The following CCDC63 variants were observed in gnomAD, a reference collection of about 807,000 sequenced individuals.
CCDC63 encodes coiled-coil domain-containing protein 63.
A neutral mutation model predicts 63.6 loss-of-function variants in CCDC63; 54 were observed. The ratio of observed to expected loss-of-function variants is 0.85; its 90% CI spans 0.68 to 1.07. CCDC63 has a LOEUF of 1.07. Among genes scored for constraint, CCDC63 ranks in the 50% least tolerant of loss-of-function variants. The probability of loss-of-function intolerance (pLI) is 0.00; values close to 1 mark genes in which losing one functional copy is unlikely to be tolerated. For synonymous variants in CCDC63, 253 were observed against 266.1 expected, an observed-to-expected ratio of 0.95 and a Z score of 0.48; for missense variants, 637 against 689.6, an observed-to-expected ratio of 0.92 and a Z score of 0.86.
At chr12:110,849,652 C>T (rs1389849945) in intron 1 of CCDC63, among the ~76,000 whole-genome samples, 1 of 152,006 alleles carries the variant, frequency 6.6e-6, no homozygotes, top group Non-Finnish European at 1.5e-5. Flanking sequence ...GTGCCCACCA[C>T]CATGCCCAGC....
chr12:110,890,276 C>G (rs945994049), intron 8 of CCDC63, among the ~76,000 whole-genome samples: 3 of 151,278 alleles, frequency 2.0e-5, no homozygotes, highest in African/African-American at 7.3e-5. Flanking sequence ...TGCACTCCAT[C>G]TGGGCAAGAG....
chr12:110,884,150 A>G lies in CCDC63; in HGVS notation c.974A>G (p.Asp325Gly), dbSNP rs1566131974. The part of the protein sequence containing the change: ...ESGNLNQLIE[D>G]FLAKEEKNFA... ...GGGAACCTAAACCAGCTCATTGAAGATTTTCTGGCCAAGGAGGAGAAGAAT... is the reference window on the plus strand; with the variant it reads ...GGGAACCTAAACCAGCTCATTGAAGGTTTTCTGGCCAAGGAGGAGAAGAAT... The change falls in exon 8 of 12, where the codon GAT (aspartate) becomes GGT (glycine). Residue 325 changes from aspartate (D) to glycine (G), a missense_variant. Asp to Gly is a moderately conservative substitution (Grantham distance 94). Coordinates refer to ENST00000308208, the MANE Select transcript of CCDC63 (RefSeq NM_152591.3). The G allele has an allele frequency of 6.2e-7, 1 of 1,614,058 alleles. No homozygotes were observed.
chr12:110,899,199 G>A, intron 10 of CCDC63, 74 bp downstream of exon 10: 1 of 1,363,986 alleles, frequency 7.3e-7, no homozygotes, highest in Non-Finnish European at 1.0e-6. Context: ...ATAAGGCCTT[G>A]CTCTTATGGA....
intron 3 of CCDC63, among the ~76,000 whole-genome samples, chr12:110,854,279 A>G (rs1231596756): frequency 1.4e-4 from 14 of 102,332 alleles, no homozygotes; most frequent in African/African-American, 5.0e-4. Flanking sequence ...TTTGGAGTGT[A>G]TCATTTCTTT....
intron 5 of CCDC63, among the ~76,000 whole-genome samples, chr12:110,876,585 T>C (rs1198223200): frequency 6.6e-6 from 1 of 152,176 alleles, no homozygotes. Context: ...GTGTTGGCCC[T>C]GCAGAAACCG....
intron 4 of CCDC63, among the ~76,000 whole-genome samples, chr12:110,864,360 G>A (rs1307608186): frequency 6.6e-6 from 1 of 151,596 alleles, no homozygotes; most frequent in Non-Finnish European, 1.5e-5. Context: ...GGAGGCTGAA[G>A]CAGGAAGATC....
upstream of CCDC63, among the ~76,000 whole-genome samples, chr12:110,846,142 AG>A (rs1325283661): frequency 6.6e-6 from 1 of 152,150 alleles, no homozygotes; most frequent in Non-Finnish European, 1.5e-5. Flanking sequence ...TCCTGTCCCA[AG>A]AATTTACGGA....
At chr12:110,883,609 TTTGTTTGTTTGTTTGTTTTTTGTTTGC>T (rs1460566189) in intron 7 of CCDC63, among the ~76,000 whole-genome samples, 11 of 75,748 alleles carry the variant, frequency 1.5e-4, no homozygotes, top group African/African-American at 5.8e-4. Flanking sequence ...TATATATTTT[TTTGTTTGTTTGTTTGTTTTTTGTTTGC>T]TTGTTTGTTT....
chr12:110,887,314 C>T (rs2071295946), intron 8 of CCDC63, among the ~76,000 whole-genome samples: 1 of 151,914 alleles, frequency 6.6e-6, no homozygotes, highest in South Asian at 2.1e-4. Context: ...TTAGTAGAGA[C>T]AAGGTTTCAT....
intron 8 of CCDC63, among the ~76,000 whole-genome samples, chr12:110,888,783 TTCTTTCC>T (rs1242925929): frequency 6.1e-5 from 9 of 146,346 alleles, no homozygotes; most frequent in African/African-American, 1.5e-4. Flanking sequence ...TTTTTGGTCC[TTCTTTCC>T]TTCCTTCCTT....
At chr12:110,874,006 G>C in intron 5 of CCDC63, 45 bp downstream of exon 5, 2 of 1,573,798 alleles carry the variant, frequency 1.3e-6, no homozygotes, top group Non-Finnish European at 1.7e-6. Flanking sequence ...CTCTGCCCAC[G>C]TTTGCTCAGA....
chr12:110,873,424 C>T (rs532480586), intron 4 of CCDC63, among the ~76,000 whole-genome samples: 1 of 152,312 alleles, frequency 6.6e-6, no homozygotes, highest in East Asian at 1.9e-4. Flanking sequence ...GTGGCTTCAT[C>T]ATTGCAAGAG....
chr12:110,892,079 C>A (rs118173552), intron 8 of CCDC63, among the ~76,000 whole-genome samples: 1 of 152,170 alleles, frequency 6.6e-6, no homozygotes, highest in African/African-American at 2.4e-5. Flanking sequence ...CCCAGACCAA[C>A]AGAATCGGAA....
At chr12:110,884,519 A>G (rs539335676) in intron 8 of CCDC63, among the ~76,000 whole-genome samples, 3 of 152,148 alleles carry the variant, frequency 2.0e-5, no homozygotes, top group South Asian at 2.1e-4. Flanking sequence ...AGCTTGGACT[A>G]CAGGTGTGCA....
intron 4 of CCDC63, among the ~76,000 whole-genome samples, chr12:110,871,482 C>T (rs1235762099): frequency 6.9e-6 from 1 of 145,294 alleles, no homozygotes; most frequent in African/African-American, 2.6e-5. Context: ...AAAACCATAA[C>T]ACTCCTTCCT....
intron 4 of CCDC63, among the ~76,000 whole-genome samples, chr12:110,860,028 G>A (rs1033581214): frequency 3.3e-5 from 5 of 152,312 alleles, no homozygotes; most frequent in African/African-American, 1.2e-4. Flanking sequence ...GTTCTGGCTG[G>A]AACCCAGAGC....
intron 4 of CCDC63, among the ~76,000 whole-genome samples, chr12:110,860,570 A>C (rs1419153888): frequency 6.6e-6 from 1 of 152,160 alleles, no homozygotes; most frequent in Non-Finnish European, 1.5e-5. Flanking sequence ...TGAAACAGGT[A>C]GTTTATTTAT....
intron 9 of CCDC63, 73 bp from the exon 10 acceptor site, chr12:110,898,860 A>C: frequency 7.9e-7 from 1 of 1,263,416 alleles, no homozygotes; most frequent in Non-Finnish European, 1.1e-6. Flanking sequence ...GGAGACCCTG[A>C]CCCCAGAGGG....
intron 8 of CCDC63, among the ~76,000 whole-genome samples, chr12:110,888,250 G>T (rs1295346631): frequency 6.6e-6 from 1 of 152,182 alleles, no homozygotes; most frequent in African/African-American, 2.4e-5. Context: ...CTGGAAGTGG[G>T]CAGGACCCTG....
Sources: allele counts gnomAD v4.1 joint callset (sites outside exome capture counted in the v4.1 genomes callset), GRCh38; gene constraint gnomAD v4.1.1; transcripts MANE v1.5; gene names NCBI Gene and HGNC (gene_info 2026-07-23, HGNC 2026-07-21).